Variants in MPHOSPH8 observed in about 807,000 individuals in gnomAD.
MPHOSPH8 encodes M-phase phosphoprotein, mpp.
A neutral mutation model predicts 87.3 loss-of-function variants in MPHOSPH8; 45 were observed. The observed-to-expected ratio is 0.52, with a 90% CI of 0.41 to 0.66. The LOEUF (loss-of-function observed/expected upper bound fraction) is 0.66, where lower values mean the gene tolerates loss of function less well. MPHOSPH8 is among the 30% of genes least tolerant of loss of function. MPHOSPH8 has a pLI of 0.00. For synonymous variants in MPHOSPH8, 366 were observed against 376.9 expected (o/e 0.97, Z 0.33); for missense variants, 883 against 1,020.2 (o/e 0.87, Z 1.83).
At chr13:19,666,604 A>G (rs1313835039) in intron 10 of MPHOSPH8, 25 bp downstream of exon 10, 1 of 1,555,630 alleles carries the variant, frequency 6.4e-7, no homozygotes, top group Non-Finnish European at 8.8e-7. Flanking sequence ...ACTGTGCCAT[A>G]GTTAAGTCAC....
chr13:19,652,573 C>T (rs1031421447), intron 5 of MPHOSPH8, among the ~76,000 whole-genome samples: 25 of 152,100 alleles, frequency 1.6e-4, no homozygotes, highest in East Asian at 5.8e-4. Context: ...GGAACGCCAG[C>T]GAGACAAAAC....
intron 1 of MPHOSPH8, among the ~76,000 whole-genome samples, chr13:19,641,108 T>C (rs1874263800): frequency 6.6e-6 from 1 of 152,204 alleles, no homozygotes; most frequent in East Asian, 1.9e-4. Flanking sequence ...ACTTCAGTCT[T>C]TGGTTTATGA....
intron 12 of MPHOSPH8, 32 bp from the exon 13 acceptor site, chr13:19,671,174 A>C (rs1245949907): frequency 6.2e-7 from 1 of 1,606,868 alleles, no homozygotes. Context: ...AAGTTTGAAA[A>C]CACTGACTTT....
intron 9 of MPHOSPH8, among the ~76,000 whole-genome samples, chr13:19,664,652 T>C (rs1875718461): frequency 6.6e-6 from 1 of 151,998 alleles, no homozygotes; most frequent in African/African-American, 2.4e-5. Context: ...GCAGGAGGGA[T>C]GGAGTGGGTG....
chr13:19,659,393 G>C (rs1462106532), intron 7 of MPHOSPH8, 104 bp downstream of exon 7: 1 of 946,192 alleles, frequency 1.1e-6, no homozygotes, highest in African/African-American at 1.7e-5. Flanking sequence ...GCTGGGCGTG[G>C]TGGTGCACAC....
intron 5 of MPHOSPH8, among the ~76,000 whole-genome samples, chr13:19,656,798 A>G (rs994472072): frequency 6.6e-6 from 1 of 151,622 alleles, no homozygotes; most frequent in Admixed American, 6.6e-5. Flanking sequence ...TTCAATAGCA[A>G]CACATTAAAA....
Position 19,648,353 on chromosome 13 carries a change from C to T in MPHOSPH8, c.1219-69C>T, listed in dbSNP as rs113422855. On this transcript the variant is annotated intron_variant, in intron 3 of 13. Transcript: ENST00000361479. ...CCTGAAGCCACAAACCTGTATTTTC[C>T]GGTTCTCAAATAAATTTACAGTGTC... The T allele has an allele frequency of 1.6e-4, 154 of 967,898 alleles. No homozygotes were observed. In the African/African-American group the frequency reaches 2.0e-3, roughly 13 times the overall value. 60.0% of individuals were successfully genotyped at this position (967,898 alleles called of 1,614,324 possible).
intron 2 of MPHOSPH8, 111 bp downstream of exon 2, chr13:19,642,381 T>G: frequency 1.0e-6 from 1 of 957,646 alleles, no homozygotes. Flanking sequence ...TACCGTATTC[T>G]TTAGTGTAAA....
At chr13:19,642,794 G>A (rs1459067965) in intron 2 of MPHOSPH8, among the ~76,000 whole-genome samples, 1 of 151,762 alleles carries the variant, frequency 6.6e-6, no homozygotes, top group Non-Finnish European at 1.5e-5. Context: ...TACAATTTAA[G>A]TTTCAACTAT....
In MPHOSPH8 at chr13:19,636,118, T is replaced by A. The variant is rs188684082; in HGVS notation, c.213+2157T>A. On this transcript the variant is annotated intron_variant, in intron 1 of 13. Transcript: ENST00000361479. ...TAAATTACCCAGTCTCAGGTATTTC[T>A]TCATAGCAGTTTGAGAACGGACTAA... is the stretch of plus-strand genomic sequence containing the variant. Among the ~76,000 whole-genome samples, 54 of 152,332 alleles carry A rather than the reference T, an allele frequency of 3.5e-4. No individual in the cohort carries two copies. The South Asian group carries it at 4.6e-3, about 13-fold the overall frequency.
At chr13:19,671,739 T>C in intron 13 of MPHOSPH8, 95 bp from the exon 14 acceptor site, 1 of 1,125,882 alleles carries the variant, frequency 8.9e-7, no homozygotes, top group South Asian at 1.3e-5. Context: ...TATTGCCAAA[T>C]AATAGAAGCA....
chr13:19,640,698 T>A (rs1043749206), intron 1 of MPHOSPH8, among the ~76,000 whole-genome samples: 2 of 152,122 alleles, frequency 1.3e-5, no homozygotes, highest in Non-Finnish European at 2.9e-5. Flanking sequence ...TGGCTAGGTT[T>A]TTTTTACCCC....
rs773165222 is a variant in MPHOSPH8 at position 19,668,511 on chromosome 13, C to A, written c.2309C>A (p.Pro770His). Residue 770 changes from proline to histidine, a missense_variant, in exon 11 of 14, where the codon CCC becomes CAC. By Grantham distance (77) the Pro-to-His change is moderately conservative. Around this residue, in one of 3 missense-constraint regions of MPHOSPH8, gnomAD observed 741 missense variants for 841.5 expected, o/e 0.88. Transcript: ENST00000361479. ...TTTTCAACAGATTTCAATTACAAAC[C>A]CCCACAGAACATACCAGAAGGTAAG... ...PDFSTDFNYK[P>H]PQNIPEGSGI... The A allele has an allele frequency of 6.2e-7, 1 of 1,614,008 alleles. No homozygotes were observed. The highest frequency in any genetic ancestry group is 1.7e-5 in the Admixed American group (1 of 59,990).
chr13:19,646,402 A>G, intron 2 of MPHOSPH8, 41 bp from the exon 3 acceptor site: 1 of 1,338,576 alleles, frequency 7.5e-7, no homozygotes, highest in Non-Finnish European at 9.7e-7. Flanking sequence ...CTTTAAAATC[A>G]ATATGTTAAT....
At chr13:19,663,165 T>C in intron 9 of MPHOSPH8, 39 bp downstream of exon 9, 2 of 1,548,222 alleles carry the variant, frequency 1.3e-6, no homozygotes, top group South Asian at 1.1e-5. Flanking sequence ...CTTCACTACG[T>C]TGGCAGGTGC....
chr13:19,660,339 T>C (rs1269019200), intron 7 of MPHOSPH8, among the ~76,000 whole-genome samples: 1 of 152,146 alleles, frequency 6.6e-6, no homozygotes, highest in Non-Finnish European at 1.5e-5. Flanking sequence ...TTGAGTCTTG[T>C]ATTGCTTGAA....
chr13:19,641,482 T>C, intron 1 of MPHOSPH8, among the ~76,000 whole-genome samples: 1 of 71,648 alleles, frequency 1.4e-5, no homozygotes, highest in African/African-American at 1.2e-4. Context: ...GCCACCATCT[T>C]TTTTTTTTTT....
chr13:19,663,654 ATTTGTCT>A (rs775986644), intron 9 of MPHOSPH8, among the ~76,000 whole-genome samples: 4 of 152,084 alleles, frequency 2.6e-5, no homozygotes, highest in African/African-American at 4.8e-5. Context: ...GCAGTTTGGC[ATTTGTCT>A]TAGGGGGCCC....
chr13:19,666,315 A>G (rs1190168335), intron 9 of MPHOSPH8, 110 bp from the exon 10 acceptor site: 71 of 1,176,074 alleles, frequency 6.0e-5, no homozygotes, highest in Non-Finnish European at 2.0e-5. Context: ...TCCTTCTTCC[A>G]TGGCCTGTGC....
Sources: allele counts gnomAD v4.1 joint callset (sites outside exome capture counted in the v4.1 genomes callset), GRCh38; gene constraint gnomAD v4.1.1; regional missense constraint gnomAD v4.1.1; transcripts MANE v1.5; gene names NCBI Gene and HGNC (gene_info 2026-07-23, HGNC 2026-07-21).